Variants in DNAH14 observed in about 807,000 individuals in gnomAD.
DNAH14 encodes the protein dynein axonemal heavy chain 14.
Under a neutral mutation model 520.9 loss-of-function variants are expected in DNAH14, and 478 were observed. That is an observed-to-expected ratio of 0.92 (90% CI 0.85 to 0.99). The LOEUF (loss-of-function observed/expected upper bound fraction) is 0.99. Ranked by LOEUF, DNAH14 falls within the 50% of genes least tolerant of loss-of-function variation. The probability of loss-of-function intolerance (pLI) is 0.00; values close to 1 mark genes in which losing one functional copy is unlikely to be tolerated. For synonymous variants in DNAH14, 1,581 were observed against 1,757.2 expected, an observed-to-expected ratio of 0.90 and a Z score of 2.51; for missense variants, 4,831 against 5,234.5, an observed-to-expected ratio of 0.92 and a Z score of 2.38.
At chr1:224,943,627 C>T (rs1000814419) in intron 1 of DNAH14, among the ~76,000 whole-genome samples, 2 of 152,068 alleles carry the variant, frequency 1.3e-5, no homozygotes, top group African/African-American at 2.4e-5. Context: ...CTCTTGTGGG[C>T]ATTTAGTGCT....
intron 73 of DNAH14, among the ~76,000 whole-genome samples, chr1:225,355,709 G>C (rs2150507635): frequency 6.6e-6 from 1 of 151,952 alleles, no homozygotes; most frequent in Admixed American, 6.6e-5. Context: ...TTGTTTTCTG[G>C]GTTTTATTGT....
chr1:225,324,451 G>A, intron 63 of DNAH14, 98 bp downstream of exon 63: 1 of 1,413,232 alleles, frequency 7.1e-7, no homozygotes, highest in Non-Finnish European at 9.5e-7. Context: ...GAACTTGAGT[G>A]GAAAGGATAC....
At position 225,381,450 on chromosome 1, in the gene DNAH14, G is replaced by C; in HGVS notation, c.12948G>C (p.Lys4316Asn). 2.6e-6 allele frequency: 4 copies of C among 1,550,852 alleles called. No homozygotes were observed. Among genetic ancestry groups the C allele is most frequent in the Non-Finnish European group, 3.5e-6 (4 of 1,146,800 alleles). The change falls in exon 81 of 86, where the codon AAG (lysine) becomes AAC (asparagine). Residue 4316 changes from lysine to asparagine, a missense_variant. Coordinates refer to ENST00000682510, the MANE Select transcript of DNAH14 (RefSeq NM_001367479.1). Reference protein sequence around the residue: ...FLKQEIKRFDKLLFVIHKSLK... With the variant: ...FLKQEIKRFDNLLFVIHKSLK... ...AGCAAGAAATTAAACGATTTGATAA[G>C]TTATTATTTGTCATACATAAATCCT... is the stretch of plus-strand genomic sequence containing the variant.
rs199814205 is a variant in DNAH14, at chr1:224,967,542, T to A, written c.610T>A (p.Cys204Ser). The A allele has an allele frequency of 3.7e-6, 6 of 1,604,188 alleles. No individual in the cohort carries two copies. In the Admixed American group the frequency reaches 8.6e-5, roughly 23 times the overall value. ...AGTATCGGCTCATACTGCTAAACATTGCAAAGAATTTTGGGTTATTACTGC... is the reference window on the plus strand; with the variant it reads ...AGTATCGGCTCATACTGCTAAACATAGCAAAGAATTTTGGGTTATTACTGC... ...QVVSAHTAKH[C>S]KEFWVITASF... The change falls in exon 6 of 86, where the codon TGC becomes AGC. Residue 204 changes from cysteine to serine, a missense_variant. Cys to Ser is a moderately radical substitution (Grantham distance 112, BLOSUM62 -1). Transcript: ENST00000682510.
chr1:225,331,335 A>T (rs147052250), intron 64 of DNAH14, 102 bp from the exon 65 acceptor site: 1 of 1,191,888 alleles, frequency 8.4e-7, no homozygotes, highest in East Asian at 2.7e-5. Flanking sequence ...CCAGGATGTG[A>T]AAATGAAATG....
At chr1:225,383,968 T>G (rs1163736812) in intron 81 of DNAH14, among the ~76,000 whole-genome samples, 1 of 152,200 alleles carries the variant, frequency 6.6e-6, no homozygotes, top group Non-Finnish European at 1.5e-5. Context: ...AAAGAACATC[T>G]TTATTTCGGC....
At chr1:225,116,114 A>T (rs998000368) in intron 23 of DNAH14, among the ~76,000 whole-genome samples, 2 of 152,198 alleles carry the variant, frequency 1.3e-5, no homozygotes, top group African/African-American at 4.8e-5. Context: ...TGGAGCCATG[A>T]GCAGGTATGG....
chr1:225,134,980 A>G (rs926586243), intron 27 of DNAH14, among the ~76,000 whole-genome samples: 3 of 151,358 alleles, frequency 2.0e-5, no homozygotes, highest in African/African-American at 7.3e-5. Context: ...GAAATTGTCT[A>G]TTTCTTGTTT....
At position 225,366,745 on chromosome 1, in the gene DNAH14, G is replaced by A. The variant is rs1391131187; in HGVS notation, c.12091-1060G>A. Among the ~76,000 whole-genome samples the A allele has an allele frequency of 2.6e-5, 4 of 152,134 alleles. No individual in the cohort carries two copies. The East Asian group carries it at 5.8e-4, about 22-fold the overall frequency. Reference sequence around the variant, plus strand: ...TCCTGGAGCCACTTACCTTCTCAGGGTGATAAAACTTAGAGCCATTTGCTT... The same window carrying A: ...TCCTGGAGCCACTTACCTTCTCAGGATGATAAAACTTAGAGCCATTTGCTT... On this transcript the variant is annotated intron_variant, in intron 76 of 85. Transcript: ENST00000682510.
chr1:224,950,150 A>T (rs1022255672), intron 1 of DNAH14, among the ~76,000 whole-genome samples: 1 of 152,094 alleles, frequency 6.6e-6, no homozygotes. Context: ...TACTATCTCA[A>T]TATAAGTATA....
intron 20 of DNAH14, among the ~76,000 whole-genome samples, chr1:225,083,630 C>T (rs2073395025): frequency 6.6e-6 from 1 of 152,114 alleles, no homozygotes; most frequent in Non-Finnish European, 1.5e-5. Flanking sequence ...TTGATGGTAG[C>T]TCCATTCTTC....
chr1:225,210,627 C>T (rs1006955291), intron 41 of DNAH14, among the ~76,000 whole-genome samples: 2 of 152,154 alleles, frequency 1.3e-5, no homozygotes, highest in African/African-American at 4.8e-5. Flanking sequence ...AGAGCAGTGG[C>T]TCTTCCAGCA....
intron 80 of DNAH14, among the ~76,000 whole-genome samples, chr1:225,380,607 C>T (rs1462321873): frequency 6.6e-6 from 1 of 152,154 alleles, no homozygotes; most frequent in Admixed American, 6.5e-5. Flanking sequence ...TGGAGATTGT[C>T]AAGAGTTCTA....
intron 62 of DNAH14, among the ~76,000 whole-genome samples, chr1:225,323,741 G>A (rs113972281): frequency 0.053 from 8,034 of 152,054 alleles, 668 homozygotes; most frequent in African/African-American, 0.18. Flanking sequence ...GATTACAGGC[G>A]GGAGCCACCT....
In DNAH14 at chr1:225,266,733, G is replaced by T; in HGVS notation, c.7503G>T (p.Leu2501Phe). ...AATTGATAAGACAATTGTTAGATTT[G>T]GGAGGAGTTTATGATACTGAAAAAA... ...PLELIRQLLD[L>F]GGVYDTEKNT... Residue 2501 changes from leucine (L) to phenylalanine (F), a missense_variant, in exon 49 of 86, where the codon TTG (leucine) becomes TTT (phenylalanine). By Grantham distance (22) the Leu-to-Phe change is conservative. Transcript: ENST00000682510. The T allele has an allele frequency of 2.0e-6, 3 of 1,526,990 alleles. No individual in the cohort carries two copies. Among genetic ancestry groups the T allele is most frequent in the Non-Finnish European group, 2.6e-6 (3 of 1,140,530 alleles). 94.6% of individuals were successfully genotyped at this position (1,526,990 alleles called of 1,614,324 possible). A position where few individuals can be genotyped will look rare whatever the true frequency, so the allele number is the denominator to read the frequency against.
intron 11 of DNAH14, among the ~76,000 whole-genome samples, chr1:225,032,277 T>C (rs2066587444): frequency 6.6e-6 from 1 of 152,094 alleles, no homozygotes; most frequent in Admixed American, 6.6e-5. Flanking sequence ...TTTCCTTATT[T>C]GTGTTCATAA....
At chr1:225,091,234 C>G (rs2074364314) in intron 21 of DNAH14, among the ~76,000 whole-genome samples, 1 of 152,054 alleles carries the variant, frequency 6.6e-6, no homozygotes, top group Non-Finnish European at 1.5e-5. Flanking sequence ...TCAGGAAACA[C>G]AGAGAACCCC....
intron 29 of DNAH14, among the ~76,000 whole-genome samples, chr1:225,145,088 A>C: frequency 6.6e-6 from 1 of 152,202 alleles, no homozygotes; most frequent in Non-Finnish European, 1.5e-5. Context: ...TTTTATTCAT[A>C]GATTTATGTA....
intron 21 of DNAH14, among the ~76,000 whole-genome samples, chr1:225,090,166 A>G (rs2074255530): frequency 6.6e-6 from 1 of 152,188 alleles, no homozygotes; most frequent in Admixed American, 6.5e-5. Flanking sequence ...GAGAAATAGC[A>G]TAAAAATAAG....
Sources: gnomAD v4.1 joint callset for allele counts (sites outside exome capture counted in the v4.1 genomes callset) on GRCh38, gnomAD v4.1.1 for gene constraint, MANE v1.5 for transcripts, NCBI Gene and HGNC (gene_info 2026-07-23, HGNC 2026-07-21) for gene names.